Variants in FAF1 observed in about 807,000 individuals in gnomAD.
The protein encoded by FAF1 is Fas associated factor 1.
FAF1 carries 25 observed loss-of-function variants against 92.5 expected under a neutral mutation model. The ratio of observed to expected loss-of-function variants is 0.27; its 90% CI spans 0.20 to 0.38. The LOEUF is 0.38. FAF1 is among the 10% of genes least tolerant of loss of function. FAF1 has a pLI of 1.00. For synonymous variants in FAF1, 234 were observed against 273.2 expected, an observed-to-expected ratio of 0.86 and a Z score of 1.42; for missense variants, 636 against 793.3, an observed-to-expected ratio of 0.80 and a Z score of 2.38.
intron 4 of FAF1, among the ~76,000 whole-genome samples, chr1:50,750,824 T>C (rs1659832450): frequency 1.3e-5 from 2 of 151,596 alleles, no homozygotes; most frequent in South Asian, 4.2e-4. Context: ...GGGTTAACCA[T>C]GCAGGCCAGG....
At chr1:50,507,476 T>C (rs1647072879) in intron 15 of FAF1, among the ~76,000 whole-genome samples, 1 of 152,190 alleles carries the variant, frequency 6.6e-6, no homozygotes, top group African/African-American at 2.4e-5. Flanking sequence ...CAGTGGCTCA[T>C]GCCTGTAATC....
At chr1:50,734,733 CA>C (rs71672961) in intron 6 of FAF1, among the ~76,000 whole-genome samples, 13,446 of 84,072 alleles carry the variant, frequency 0.16, 530 homozygotes, top group African/African-American at 0.21. Context: ...GACTCCATCT[CA>C]AAAAAAAAAA....
chr1:50,671,059 T>C (rs1655850828), intron 7 of FAF1, among the ~76,000 whole-genome samples: 3 of 151,970 alleles, frequency 2.0e-5, no homozygotes, highest in Admixed American at 6.6e-5. Flanking sequence ...AAAAAGGAAA[T>C]AATGGGCTAT....
chr1:50,723,240 C>T (rs1177775514), intron 6 of FAF1, among the ~76,000 whole-genome samples: 1 of 151,310 alleles, frequency 6.6e-6, no homozygotes, highest in African/African-American at 2.4e-5. Context: ...ATCTCTACTA[C>T]AAATACAAAA....
chr1:50,712,327 C>T (rs2124436901), intron 6 of FAF1, among the ~76,000 whole-genome samples: 1 of 152,220 alleles, frequency 6.6e-6, no homozygotes, highest in Middle Eastern at 3.4e-3. Context: ...TGTGATGACT[C>T]TGAGGAGAGG....
chr1:50,672,879 G>T (rs1655958835), intron 7 of FAF1, among the ~76,000 whole-genome samples: 1 of 152,064 alleles, frequency 6.6e-6, no homozygotes, highest in African/African-American at 2.4e-5. Flanking sequence ...AGCACTCTAG[G>T]GGCTGAGGTG....
chr1:50,794,199 G>C (rs1272880317), intron 3 of FAF1, among the ~76,000 whole-genome samples: 1 of 152,214 alleles, frequency 6.6e-6, no homozygotes, highest in Non-Finnish European at 1.5e-5. Flanking sequence ...GTGGTTGAAA[G>C]CACATGAAGG....
rs768528639 is a variant in FAF1 at position 50,819,802 on chromosome 1, C to CGT, written c.115-18126_115-18125insAC. ...ACATATATATACATATATATATATACATATATATATATATATAGTATTGTA... is the reference window on the plus strand; with the variant it reads ...ACATATATATACATATATATATATACGTATATATATATATATATAGTATTGTA... On this transcript the variant is annotated intron_variant, in intron 2 of 18. Coordinates refer to ENST00000396153, the MANE Select transcript of FAF1 (RefSeq NM_007051.3). Among the ~76,000 whole-genome samples the CGT allele has an allele frequency of 5.6e-3, 483 of 86,200 alleles. 37 individuals carry two copies. Among genetic ancestry groups the CGT allele is most frequent in the African/African-American group, 0.022 (465 of 21,060 alleles). The allele number at this position is 86,200 out of a possible 152,430, so 56.6% of individuals were successfully genotyped here. A position where few individuals can be genotyped will look rare whatever the true frequency, so the allele number is the denominator to read the frequency against.
chr1:50,793,582 T>C (rs922351540), intron 3 of FAF1, among the ~76,000 whole-genome samples: 2 of 152,236 alleles, frequency 1.3e-5, no homozygotes, highest in African/African-American at 4.8e-5. Flanking sequence ...GAGTTAGGAC[T>C]GTAACGTAAG....
At chr1:50,621,838 C>T (rs969957929) in intron 8 of FAF1, among the ~76,000 whole-genome samples, 4 of 152,090 alleles carry the variant, frequency 2.6e-5, no homozygotes, top group Non-Finnish European at 5.9e-5. Flanking sequence ...GGCTCCATGC[C>T]GACCACACTC....
chr1:50,729,052 A>ATT (rs1490540715), intron 6 of FAF1, among the ~76,000 whole-genome samples: 1 of 97,920 alleles, frequency 1.0e-5, no homozygotes, highest in Non-Finnish European at 2.1e-5. Context: ...ATATATATAT[A>ATT]TATATATTTT....
intron 2 of FAF1, among the ~76,000 whole-genome samples, chr1:50,808,188 A>C (rs188866891): frequency 5.6e-4 from 85 of 152,294 alleles, no homozygotes; most frequent in African/African-American, 2.0e-3. Flanking sequence ...GATAAATAAG[A>C]TCCTTTTCAG....
intron 7 of FAF1, among the ~76,000 whole-genome samples, chr1:50,703,636 A>C (rs767282789): frequency 6.6e-6 from 1 of 152,200 alleles, no homozygotes; most frequent in Non-Finnish European, 1.5e-5. Flanking sequence ...CTTGACAAGA[A>C]ATACATAAGA....
chr1:50,924,841 G>A (rs190834441), intron 1 of FAF1, among the ~76,000 whole-genome samples: 2 of 152,226 alleles, frequency 1.3e-5, no homozygotes, highest in African/African-American at 4.8e-5. Context: ...AAATTAGCTG[G>A]GTGTGGTGTT....
intron 2 of FAF1, among the ~76,000 whole-genome samples, chr1:50,817,882 T>C (rs1643993449): frequency 6.6e-6 from 1 of 152,164 alleles, no homozygotes; most frequent in Non-Finnish European, 1.5e-5. Flanking sequence ...ATATTTTATC[T>C]TTAATTCACA....
At chr1:50,870,426 C>T (rs1294403142) in intron 1 of FAF1, among the ~76,000 whole-genome samples, 2 of 152,224 alleles carry the variant, frequency 1.3e-5, no homozygotes, top group Admixed American at 6.5e-5. Flanking sequence ...CACTGCACTC[C>T]CGCCTGGGTG....
At chr1:50,685,845 C>T (rs1656632884) in intron 7 of FAF1, among the ~76,000 whole-genome samples, 1 of 152,196 alleles carries the variant, frequency 6.6e-6, no homozygotes. Flanking sequence ...ATATCACTGA[C>T]TAGCAGATTT....
intron 13 of FAF1, among the ~76,000 whole-genome samples, chr1:50,545,824 C>T (rs1170302983): frequency 6.6e-6 from 1 of 152,178 alleles, no homozygotes; most frequent in African/African-American, 2.4e-5. Flanking sequence ...CACCTATGTA[C>T]ACACAGTTAA....
intron 2 of FAF1, among the ~76,000 whole-genome samples, chr1:50,857,605 A>G (rs879044954): frequency 6.6e-6 from 1 of 151,814 alleles, no homozygotes; most frequent in Non-Finnish European, 1.5e-5. Flanking sequence ...GGAAACATCA[A>G]ATATGTTATT....
Sources: gnomAD v4.1 joint callset for allele counts (sites outside exome capture counted in the v4.1 genomes callset) on GRCh38, gnomAD v4.1.1 for gene constraint, MANE v1.5 for transcripts, NCBI Gene and HGNC (gene_info 2026-07-23, HGNC 2026-07-21) for gene names.